The following RASGRF1 variants were observed in gnomAD, a reference collection of about 807,000 sequenced individuals.
RASGRF1 encodes ras-specific guanine nucleotide-releasing factor 1.
Under a neutral mutation model 138.7 loss-of-function variants are expected in RASGRF1, and 40 were observed. That is an observed-to-expected ratio of 0.29 (90% confidence interval 0.22 to 0.38). RASGRF1 has a LOEUF of 0.38. RASGRF1 is among the 10% of genes least tolerant of loss of function. The probability of loss-of-function intolerance (pLI) is 1.00; values close to 1 mark genes in which losing one functional copy is unlikely to be tolerated. For synonymous variants in RASGRF1, 614 were observed against 663.2 expected (o/e 0.93, Z 1.14); for missense variants, 1,108 against 1,650.4 (o/e 0.67, Z 5.69).
chr15:79,023,003 T>C (rs2056983527), intron 10 of RASGRF1, among the ~76,000 whole-genome samples: 1 of 152,006 alleles, frequency 6.6e-6, no homozygotes, highest in Non-Finnish European at 1.5e-5. Flanking sequence ...TGAAACCCCA[T>C]CTCTACTAAA....
At position 79,046,604 on chromosome 15, in the gene RASGRF1, CCACGTGATCTTGGG is replaced by C. The variant is rs2057356986; in HGVS notation, c.878+128_878+141del. 7.3e-7 allele frequency: 1 copy of C among 1,373,852 alleles called. No homozygotes were observed. The highest frequency in any genetic ancestry group is 1.0e-6 in the Non-Finnish European group (1 of 1,003,460). 85.1% of individuals were successfully genotyped at this position (1,373,852 alleles called of 1,614,324 possible). ...AATTATTGGGGTTGGTGGTTTCTAG[CCACGTGATCTTGGG>C]CACTTCTGTCCTCTCTGGGCCTCAT... is the stretch of plus-strand genomic sequence containing the variant. On this transcript the variant is annotated intron_variant, in intron 5 of 26. Coordinates refer to ENST00000558480, the MANE Select transcript of RASGRF1 (RefSeq NM_001145648.3). This position sits in a 1 kb window ranked among gnomAD's most constrained non-coding sequence, Gnocchi z 5.3.
intron 6 of RASGRF1, 135 bp downstream of exon 6, chr15:79,034,996 C>T: frequency 3.3e-6 from 2 of 608,398 alleles, no homozygotes; most frequent in South Asian, 2.9e-5. Context: ...TCTCTTCTGC[C>T]CCCTCTGAGG....
At chr15:79,021,508 T>C (rs1412112365) in intron 10 of RASGRF1, among the ~76,000 whole-genome samples, 1 of 152,266 alleles carries the variant, frequency 6.6e-6, no homozygotes, top group Non-Finnish European at 1.5e-5. Context: ...TCTGACATTC[T>C]CTTACTTCAG....
At chr15:79,062,081 G>A (rs57707390) in intron 2 of RASGRF1, among the ~76,000 whole-genome samples, 11,964 of 152,172 alleles carry the variant, frequency 0.079, 573 homozygotes, top group East Asian at 0.15. Flanking sequence ...TCTGTCTTAA[G>A]CATTTTAGCC....
At chr15:78,981,486 C>G (rs535343967) in intron 23 of RASGRF1, 1 of 152,168 alleles carries the variant, frequency 6.6e-6, no homozygotes, top group Non-Finnish European at 1.5e-5. Context: ...GCTGAGAAAC[C>G]GCGGGAGCAC....
At position 79,073,828 on chromosome 15, in the gene RASGRF1, A is replaced by G. The variant is rs2057793668; in HGVS notation, c.277-9302T>C. 6.6e-6 allele frequency among the ~76,000 whole-genome samples: 1 copy of G among 152,132 alleles called. No individual in the cohort carries two copies. Among genetic ancestry groups the G allele is most frequent in the African/African-American group, 2.4e-5 (1 of 41,406 alleles). ...CTGGAGCTGCAGCAGCACCCAAATC[A>G]CCTTGGAATTTGTTAGGACTGTAAG... is the stretch of plus-strand genomic sequence containing the variant. On this transcript the variant is annotated intron_variant, in intron 1 of 26. Coordinates refer to ENST00000558480, the MANE Select transcript of RASGRF1 (RefSeq NM_001145648.3). This position sits in a 1 kb window ranked among gnomAD's most constrained non-coding sequence, Gnocchi z 4.2.
rs3784534 is a variant in RASGRF1, at chr15:79,004,395, G to A, written c.2076-220C>T. On this transcript the variant is annotated intron_variant, in intron 14 of 26. Coordinates refer to ENST00000558480, the MANE Select transcript of RASGRF1 (RefSeq NM_001145648.3). Reference sequence around the variant, plus strand: ...CTGGATGGTTTGGGCAGAGGATCTGGGGCTTCTATGCTCCGCCCCCCCACC... The same window carrying A: ...CTGGATGGTTTGGGCAGAGGATCTGAGGCTTCTATGCTCCGCCCCCCCACC... Among the ~76,000 whole-genome samples, 673 of 152,244 alleles carry A rather than the reference G, an allele frequency of 4.4e-3. 18 individuals are homozygous for A. In the East Asian group the frequency reaches 0.058, roughly 13 times the overall value.
At chr15:79,071,608 G>A (rs1476345954) in intron 1 of RASGRF1, among the ~76,000 whole-genome samples, 1 of 151,522 alleles carries the variant, frequency 6.6e-6, no homozygotes, top group Non-Finnish European at 1.5e-5. Flanking sequence ...GTCCTCAAGT[G>A]ATCCATCCTC....
chr15:79,005,999 C>T (rs1328215205), intron 14 of RASGRF1, among the ~76,000 whole-genome samples, 187 bp downstream of exon 14: 1 of 152,118 alleles, frequency 6.6e-6, no homozygotes, highest in African/African-American at 2.4e-5. Flanking sequence ...GTCCCTGCCT[C>T]TCTGCAGAGG....
At chr15:78,975,404 A>G (rs1024940202) in intron 24 of RASGRF1, among the ~76,000 whole-genome samples, 9 of 148,266 alleles carry the variant, frequency 6.1e-5, no homozygotes, top group Admixed American at 4.0e-4. Context: ...TAAAAAAAAA[A>G]AGAAAAGAGT....
intron 3 of RASGRF1, among the ~76,000 whole-genome samples, chr15:79,051,111 T>C (rs1337877398): frequency 2.0e-5 from 3 of 152,150 alleles, no homozygotes; most frequent in Non-Finnish European, 2.9e-5. Context: ...GCTCAGGGGA[T>C]TCTACGAACA....
At chr15:78,986,010 G>C (rs2056149002) in intron 22 of RASGRF1, 1 of 147,342 alleles carries the variant, frequency 6.8e-6, no homozygotes, top group African/African-American at 2.5e-5. Flanking sequence ...CTCTAGAAAA[G>C]TAATTATAGA....
At chr15:79,007,539 T>C (rs2056704053) in intron 13 of RASGRF1, among the ~76,000 whole-genome samples, 1 of 130,850 alleles carries the variant, frequency 7.6e-6, no homozygotes, top group African/African-American at 2.9e-5. Context: ...CTGATGGCCG[T>C]ATCTAGTTTT....
At chr15:78,970,245 G>C (rs1192459251) in intron 26 of RASGRF1, among the ~76,000 whole-genome samples, 1 of 152,128 alleles carries the variant, frequency 6.6e-6, no homozygotes, top group Non-Finnish European at 1.5e-5. Flanking sequence ...TGGAGGCTGG[G>C]CGTGGTGGTT....
At chr15:78,975,785 G>C (rs933238682) in intron 24 of RASGRF1, among the ~76,000 whole-genome samples, 9 of 152,176 alleles carry the variant, frequency 5.9e-5, no homozygotes, top group Non-Finnish European at 1.2e-4. Flanking sequence ...TTCCCAAAGT[G>C]CTCAGATTAC....
At chr15:79,003,707 G>A in intron 15 of RASGRF1, 95 bp downstream of exon 15, 1 of 1,490,830 alleles carries the variant, frequency 6.7e-7, no homozygotes, top group Non-Finnish European at 8.9e-7. Context: ...TTCCCCATGG[G>A]AGCAGGAAGA....
intron 3 of RASGRF1, among the ~76,000 whole-genome samples, chr15:79,053,754 A>G (rs150476964): frequency 6.6e-6 from 1 of 152,292 alleles, no homozygotes; most frequent in East Asian, 1.9e-4. Flanking sequence ...GGGAGAAGAG[A>G]CGGGCTGGCT....
At chr15:79,040,073 T>C (rs2057276526) in intron 5 of RASGRF1, among the ~76,000 whole-genome samples, 1 of 152,220 alleles carries the variant, frequency 6.6e-6, no homozygotes, top group Non-Finnish European at 1.5e-5. Flanking sequence ...ATTTTGCTTA[T>C]ATTTTAACAA....
intron 24 of RASGRF1, among the ~76,000 whole-genome samples, chr15:78,978,220 GTTTTTTTTTTTTTT>G (rs71148584): frequency 8.0e-6 from 1 of 125,096 alleles, no homozygotes. Flanking sequence ...CTTTTCTTTT[GTTTTTTTTTTTTTT>G]TTTTTTTTTT....
Sources: allele counts gnomAD v4.1 joint callset (sites outside exome capture counted in the v4.1 genomes callset), GRCh38; gene constraint gnomAD v4.1.1; non-coding constraint Gnocchi (gnomAD v3.1); transcripts MANE v1.5; gene names NCBI Gene and HGNC (gene_info 2026-07-23, HGNC 2026-07-21).